The following NBAS variants were observed in gnomAD, a reference collection of about 807,000 sequenced individuals.
NBAS encodes NAG/BC035112 fusion.
NBAS carries 219 observed loss-of-function variants against 302.5 expected under a neutral mutation model. The ratio of observed to expected loss-of-function variants is 0.72; its 90% CI spans 0.65 to 0.81. The LOEUF (loss-of-function observed/expected upper bound fraction) is 0.81. NBAS is among the 30% of genes least tolerant of loss of function. NBAS has a pLI of 0.00. For synonymous variants in NBAS, 1,118 were observed against 1,021.6 expected (o/e 1.09, Z -1.80); for missense variants, 2,932 against 2,841.6 (o/e 1.03, Z -0.72).
At chr2:15,152,060 G>T in the NBAS span, among the ~76,000 whole-genome samples, 1 of 152,134 alleles carries the variant, frequency 6.6e-6, no homozygotes, top group African/African-American at 2.4e-5. Context: ...ATGGTGGCCA[G>T]GCTGGTTTTG....
At chr2:15,516,553 T>A (rs898806260) in intron 9 of NBAS, among the ~76,000 whole-genome samples, 5 of 152,094 alleles carry the variant, frequency 3.3e-5, no homozygotes, top group East Asian at 1.9e-4. Flanking sequence ...TGAAACCCCG[T>A]CTCTACTAAA....
intron 40 of NBAS, among the ~76,000 whole-genome samples, chr2:15,299,027 G>C (rs1670679621): frequency 6.6e-6 from 1 of 152,154 alleles, no homozygotes; most frequent in Non-Finnish European, 1.5e-5. Context: ...TTGGTGTTCA[G>C]AGTACACTCA....
chr2:14,810,174 G>A, the NBAS span, among the ~76,000 whole-genome samples: 17 of 152,282 alleles, frequency 1.1e-4, no homozygotes, highest in South Asian at 3.5e-3. Context: ...AATGAGTTAA[G>A]ACTTTGGGAG....
At chr2:14,867,860 A>T in the NBAS span, among the ~76,000 whole-genome samples, 1 of 152,164 alleles carries the variant, frequency 6.6e-6, no homozygotes, top group African/African-American at 2.4e-5. Flanking sequence ...CTTATTTTTC[A>T]TTGCTTACTA....
chr2:15,154,658 T>C, the NBAS span, among the ~76,000 whole-genome samples: 1 of 152,184 alleles, frequency 6.6e-6, no homozygotes, highest in Admixed American at 6.5e-5. Context: ...CCTGCTCTGA[T>C]ATAGGAGCAG....
intron 12 of NBAS, among the ~76,000 whole-genome samples, chr2:15,478,533 G>A (rs1225293926): frequency 1.3e-5 from 2 of 152,110 alleles, no homozygotes; most frequent in South Asian, 2.1e-4. Context: ...TGAACAACAG[G>A]ATAGCAAGTA....
chr2:15,269,218 C>T (rs535737415), intron 44 of NBAS, among the ~76,000 whole-genome samples: 16 of 152,294 alleles, frequency 1.1e-4, no homozygotes, highest in South Asian at 8.3e-4. Flanking sequence ...AGAGTGACCA[C>T]GGGCAGGGAT....
intron 28 of NBAS, among the ~76,000 whole-genome samples, chr2:15,387,742 C>T (rs564000178): frequency 1.3e-5 from 2 of 152,182 alleles, no homozygotes; most frequent in East Asian, 3.9e-4. Context: ...AGCGATTCTC[C>T]AGCCTCAGCC....
At chr2:14,840,990 G>T in the NBAS span, among the ~76,000 whole-genome samples, 2 of 151,900 alleles carry the variant, frequency 1.3e-5, no homozygotes, top group Non-Finnish European at 2.9e-5. Context: ...TAAGTGATAG[G>T]CAATATAAAA....
chr2:14,911,772 G>A, the NBAS span, among the ~76,000 whole-genome samples: 1 of 152,232 alleles, frequency 6.6e-6, no homozygotes, highest in African/African-American at 2.4e-5. Flanking sequence ...AATCCCAGCT[G>A]TGTAGCATCC....
intron 49 of NBAS, among the ~76,000 whole-genome samples, chr2:15,187,752 A>G (rs1413542904): frequency 6.6e-6 from 1 of 152,224 alleles, no homozygotes; most frequent in African/African-American, 2.4e-5. Flanking sequence ...TCATTAGCAC[A>G]GCACTACATT....
the NBAS span, among the ~76,000 whole-genome samples, chr2:15,118,751 C>T: frequency 1.3e-5 from 2 of 152,152 alleles, no homozygotes; most frequent in Non-Finnish European, 2.9e-5. Flanking sequence ...AGTGAAGAAG[C>T]TGTCTGAGTT....
chr2:15,225,148 T>C (rs941395945), intron 47 of NBAS, among the ~76,000 whole-genome samples: 1 of 152,220 alleles, frequency 6.6e-6, no homozygotes, highest in Non-Finnish European at 1.5e-5. Flanking sequence ...TGCTCTCAAA[T>C]ATATGCCAAC....
the NBAS span, among the ~76,000 whole-genome samples, chr2:14,801,230 C>T: frequency 6.6e-6 from 1 of 151,944 alleles, no homozygotes; most frequent in Non-Finnish European, 1.5e-5. Flanking sequence ...GTTTGGTTTG[C>T]TTTGGTTAGG....
Position 15,492,336 on chromosome 2 carries a change from T to TA in NBAS, c.955-3315dup, listed in dbSNP as rs1680891594. ...TGAACGTTCATGCATAGTAAGATGATAGAGTTATTAGTAGTAATTGGATTG... is the reference window on the plus strand; with the variant it reads ...TGAACGTTCATGCATAGTAAGATGATAAGAGTTATTAGTAGTAATTGGATTG... On this transcript the variant is annotated intron_variant, in intron 11 of 51. Coordinates refer to ENST00000281513, the MANE Select transcript of NBAS (RefSeq NM_015909.4). 2.6e-5 allele frequency among the ~76,000 whole-genome samples: 4 copies of TA among 152,220 alleles called. No individual in the cohort carries two copies. The South Asian group carries it at 8.3e-4, about 32-fold the overall frequency.
the NBAS span, among the ~76,000 whole-genome samples, chr2:15,065,090 C>G: frequency 6.6e-6 from 1 of 151,996 alleles, no homozygotes; most frequent in Admixed American, 6.6e-5. Flanking sequence ...AAAAATTTAC[C>G]TCAACAAAAT....
At chr2:15,215,151 A>G (rs755167683) in intron 48 of NBAS, among the ~76,000 whole-genome samples, 12 of 152,018 alleles carry the variant, frequency 7.9e-5, no homozygotes, top group Admixed American at 6.6e-5. Flanking sequence ...CCCTGCCCCC[A>G]TGTCCCTCTC....
chr2:15,549,173 A>ACAGATAAT (rs1023090734), intron 6 of NBAS, among the ~76,000 whole-genome samples: 16 of 152,206 alleles, frequency 1.1e-4, no homozygotes, highest in Admixed American at 1.0e-3. Flanking sequence ...TGCCCATTTT[A>ACAGATAAT]CAGATAATGA....
chr2:15,351,881 C>T (rs1673375349), intron 35 of NBAS, 111 bp downstream of exon 35: 3 of 272,848 alleles, frequency 1.1e-5, no homozygotes, highest in South Asian at 7.1e-5. Context: ...CACACACACA[C>T]ACACACACAC....
Sources: gnomAD v4.1 joint callset for allele counts (sites outside exome capture counted in the v4.1 genomes callset) on GRCh38, gnomAD v4.1.1 for gene constraint, MANE v1.5 for transcripts, NCBI Gene and HGNC (gene_info 2026-07-23, HGNC 2026-07-21) for gene names.